The following MTNR1B variants were observed in gnomAD, a reference collection of about 807,000 sequenced individuals.
MTNR1B encodes melatonin receptor type 1B.
In MTNR1B, 7 loss-of-function variants were observed where a neutral mutation model predicts 7.0. That is an observed-to-expected ratio of 1.00 (90% CI 0.57 to 1.88). MTNR1B has a LOEUF of 1.88. Ranked by LOEUF, MTNR1B falls within the 40% of genes most tolerant of loss-of-function variation. The probability of loss-of-function intolerance (pLI) is 0.00; values close to 1 mark genes in which losing one functional copy is unlikely to be tolerated. For missense variants in MTNR1B, 478 were observed against 486.5 expected (o/e 0.98, Z 0.16); for synonymous variants, 226 against 208.2 (o/e 1.09, Z -0.74).
At chr11:92,980,686 G>T (rs1391750097) in intron 1 of MTNR1B, among the ~76,000 whole-genome samples, 1 of 152,176 alleles carries the variant, frequency 6.6e-6, no homozygotes, top group African/African-American at 2.4e-5. Context: ...CATGGTGCAG[G>T]CAAAGCAGGG....
At position 92,982,574 on chromosome 11, in the gene MTNR1B, A is replaced by T; in HGVS notation, c.*262A>T. The T allele has an allele frequency of 2.0e-6, 1 of 494,554 alleles. No individual in the cohort carries two copies. The highest frequency in any genetic ancestry group is 3.6e-6 in the Non-Finnish European group (1 of 278,430). 30.6% of individuals were successfully genotyped at this position (494,554 alleles called of 1,614,324 possible). A position where few individuals can be genotyped will look rare whatever the true frequency, so the allele number is the denominator to read the frequency against. On this transcript the variant is annotated 3_prime_UTR_variant, in exon 2 of 2. Coordinates refer to ENST00000257068, the MANE Select transcript of MTNR1B (RefSeq NM_005959.5). ...GATTTGGTGCACACAAGACCAAGGA[A>T]AGGACAGAATGAGGAAAGGCCTGGG...
At chr11:92,970,467 A>G (rs1857906715) in intron 1 of MTNR1B, among the ~76,000 whole-genome samples, 1 of 152,246 alleles carries the variant, frequency 6.6e-6, no homozygotes, top group African/African-American at 2.4e-5. Flanking sequence ...TGAAGACCCA[A>G]TTCCAGTTGA....
Position 92,982,044 on chromosome 11 carries a change from T to C in MTNR1B, c.821T>C (p.Val274Ala), listed in dbSNP as rs1483419860. ...WAPLNCIGLA[V>A]AINPQEMAPQ... ...CCACTTAACTGCATCGGCCTCGCTG[T>C]GGCCATCAACCCCCAAGAAATGGCT... The change falls in exon 2 of 2, where the codon GTG (valine) becomes GCG (alanine). Residue 274 changes from valine to alanine, a missense_variant. Transcript: ENST00000257068. 1.9e-6 allele frequency: 3 copies of C among 1,614,244 alleles called. No individual in the cohort carries two copies. Among genetic ancestry groups the C allele is most frequent in the Admixed American group, 1.7e-5 (1 of 60,028 alleles).
At chr11:92,973,615 C>T (rs1857966588) in intron 1 of MTNR1B, among the ~76,000 whole-genome samples, 1 of 152,270 alleles carries the variant, frequency 6.6e-6, no homozygotes, top group African/African-American at 2.4e-5. Context: ...CCCCAACTCC[C>T]CTGAAGGATT....
intron 1 of MTNR1B, among the ~76,000 whole-genome samples, chr11:92,980,434 G>T (rs746510013): frequency 1.1e-4 from 16 of 152,336 alleles, no homozygotes; most frequent in Non-Finnish European, 2.4e-4. Flanking sequence ...AAACGTTTAG[G>T]TTCTTGGTGC....
chr11:92,975,508 C>T (rs1324371060), intron 1 of MTNR1B, among the ~76,000 whole-genome samples: 1 of 152,198 alleles, frequency 6.6e-6, no homozygotes, highest in East Asian at 1.9e-4. Context: ...TGCCCCTCCT[C>T]CAGGCCCCCA....
rs146514042 is a variant in MTNR1B at position 92,982,248 on chromosome 11, C to A, written c.1025C>A (p.Ala342Glu). 3.1e-6 allele frequency: 5 copies of A among 1,614,192 alleles called. No homozygotes were observed. Among genetic ancestry groups the A allele is most frequent in the Non-Finnish European group, 4.2e-6 (5 of 1,180,032 alleles). The change falls in exon 2 of 2, where the codon GCG becomes GAG. Residue 342 changes from alanine to glutamate, a missense_variant. Coordinates refer to ENST00000257068, the MANE Select transcript of MTNR1B (RefSeq NM_005959.5). Reference protein sequence around the residue: ...CIQDASKGSHAEGLQSPAPPI... With the variant: ...CIQDASKGSHEEGLQSPAPPI... Reference sequence around the variant, plus strand: ...CAAGATGCTTCCAAGGGCAGCCACGCGGAGGGGCTGCAGAGCCCAGCTCCA... The same window carrying A: ...CAAGATGCTTCCAAGGGCAGCCACGAGGAGGGGCTGCAGAGCCCAGCTCCA...
At chr11:92,976,954 A>G (rs1037578256) in intron 1 of MTNR1B, among the ~76,000 whole-genome samples, 3 of 152,254 alleles carry the variant, frequency 2.0e-5, no homozygotes, top group Non-Finnish European at 4.4e-5. Context: ...ATGTAAAACT[A>G]TACTATCAAC....
At position 92,981,462 on chromosome 11, in the gene MTNR1B, T is replaced by C; in HGVS notation, c.239T>C (p.Val80Ala). Reference sequence around the variant, plus strand: ...GCTGCTTCAGGTAATTTGTTCTTGGTGAGTCTGGCATTGGCTGACCTGGTG... The same window carrying C: ...GCTGCTTCAGGTAATTTGTTCTTGGCGAGTCTGGCATTGGCTGACCTGGTG... ...KLRNAGNLFLVSLALADLVVA... is the reference protein window; with the variant it reads ...KLRNAGNLFLASLALADLVVA... The change falls in exon 2 of 2, where the codon GTG becomes GCG. Residue 80 changes from valine to alanine, a missense_variant. Coordinates refer to ENST00000257068, the MANE Select transcript of MTNR1B (RefSeq NM_005959.5). 1 of 1,612,834 alleles carries C rather than the reference T, an allele frequency of 6.2e-7. No homozygotes were observed. The highest frequency in any genetic ancestry group is 8.5e-7 in the Non-Finnish European group (1 of 1,179,082).
chr11:92,982,189 C>A lies in MTNR1B; in HGVS notation c.966C>A (p.Ile322=). ...ACTTCCGCAGGGAATACAAGAGGAT[C>A]CTCTTGGCCCTTTGGAACCCACGGC... ...NQNFRREYKR[I]LLALWNPRHC... Residue 322 remains isoleucine, a synonymous_variant, in exon 2 of 2, where the codon ATC becomes ATA. Coordinates refer to ENST00000257068, the MANE Select transcript of MTNR1B (RefSeq NM_005959.5). 6.2e-7 allele frequency: 1 copy of A among 1,614,228 alleles called. No individual in the cohort carries two copies. The highest frequency in any genetic ancestry group is 8.5e-7 in the Non-Finnish European group (1 of 1,180,050).
At chr11:92,984,767 C>CT, downstream of MTNR1B, 1 of 420,126 alleles carries the variant, frequency 2.4e-6, no homozygotes, top group Non-Finnish European at 4.7e-6. Context: ...GGGTTCGGCA[C>CT]TGACAATCCA....
chr11:92,979,825 C>A (rs949649368), intron 1 of MTNR1B, among the ~76,000 whole-genome samples: 8 of 152,182 alleles, frequency 5.3e-5, no homozygotes, highest in Non-Finnish European at 1.0e-4. Flanking sequence ...AAGTTCCCAT[C>A]CCCATTCGGA....
intron 1 of MTNR1B, among the ~76,000 whole-genome samples, chr11:92,971,521 A>G (rs975052490): frequency 3.9e-5 from 6 of 152,238 alleles, no homozygotes; most frequent in Admixed American, 1.3e-4. Flanking sequence ...CATCATAAAC[A>G]TTCATTTCCA....
chr11:92,971,036 T>A (rs970334144), intron 1 of MTNR1B, among the ~76,000 whole-genome samples: 38 of 152,064 alleles, frequency 2.5e-4, no homozygotes, highest in African/African-American at 7.5e-4. Context: ...CTAGGCTCAC[T>A]GCAACCTCTG....
rs777474311 is a variant in MTNR1B, at chr11:92,981,809, G to A, written c.586G>A (p.Ala196Thr). Reference protein sequence around the residue: ...RIYSCTFIQTASTQYTAAVVV... With the variant: ...RIYSCTFIQTTSTQYTAAVVV... The stretch of plus-strand genomic sequence containing the variant: ...CTATTCCTGCACCTTCATCCAGACC[G>A]CCAGCACCCAGTACACGGCGGCAGT... The change falls in exon 2 of 2, where the codon GCC (alanine) becomes ACC (threonine). Residue 196 changes from alanine (A) to threonine (T), a missense_variant. Transcript: ENST00000257068. 11 of 1,614,120 alleles carry A rather than the reference G, an allele frequency of 6.8e-6. No individual in the cohort carries two copies. Among genetic ancestry groups the A allele is most frequent in the Middle Eastern group, 1.6e-4 (1 of 6,062 alleles).
At position 92,969,814 on chromosome 11, in the gene MTNR1B, C is replaced by A. The variant is rs1857893115; in HGVS notation, c.89C>A (p.Pro30His). The A allele has an allele frequency of 6.4e-7, 1 of 1,572,856 alleles. No individual in the cohort carries two copies. Among genetic ancestry groups the A allele is most frequent in the African/African-American group, 1.4e-5 (1 of 72,596 alleles). ...TGGTCGGGGGCTGGCAGCGCGCGGC[C>A]CTCCAGGACCCCTCGACCTCCCTGG... The part of the protein sequence containing the change: ...PGWSGAGSAR[P>H]SRTPRPPWVA... Residue 30 changes from proline (P) to histidine (H), a missense_variant, in exon 1 of 2, where the codon CCC (proline) becomes CAC (histidine). Physicochemically the swap from Pro to His is moderately conservative, Grantham distance 77. Coordinates refer to ENST00000257068, the MANE Select transcript of MTNR1B (RefSeq NM_005959.5).
At chr11:92,973,994 G>C (rs926479051) in intron 1 of MTNR1B, among the ~76,000 whole-genome samples, 2 of 152,224 alleles carry the variant, frequency 1.3e-5, no homozygotes, top group African/African-American at 2.4e-5. Flanking sequence ...ACAGCCCAAA[G>C]TATATCTCAT....
chr11:92,979,455 A>G (rs1858062669), intron 1 of MTNR1B, among the ~76,000 whole-genome samples: 1 of 152,224 alleles, frequency 6.6e-6, no homozygotes, highest in African/African-American at 2.4e-5. Flanking sequence ...TGTACCAACC[A>G]GAAAGGAAAT....
chr11:92,981,622 C>G lies in MTNR1B; in HGVS notation c.399C>G (p.Ala133=), dbSNP rs1439211626. ...TCGGCTCTGTCTTCAATATCACTGC[C>G]ATCGCCATTAACCGCTACTGCTACA... is the stretch of plus-strand genomic sequence containing the variant. ...SVIGSVFNIT[A]IAINRYCYIC... is the part of the protein sequence containing the mutation. The change falls in exon 2 of 2, where the codon GCC becomes GCG. Residue 133 remains alanine (A), a synonymous_variant. Coordinates refer to ENST00000257068, the MANE Select transcript of MTNR1B (RefSeq NM_005959.5). 1 of 1,614,084 alleles carries G rather than the reference C, an allele frequency of 6.2e-7. No individual in the cohort carries two copies. The highest frequency in any genetic ancestry group is 2.2e-5 in the East Asian group (1 of 44,892).
Sources: gnomAD v4.1 joint callset for allele counts (sites outside exome capture counted in the v4.1 genomes callset) on GRCh38, gnomAD v4.1.1 for gene constraint, MANE v1.5 for transcripts, NCBI Gene and HGNC (gene_info 2026-07-23, HGNC 2026-07-21) for gene names.